The following WDR27 variants were observed in gnomAD, a reference collection of about 807,000 sequenced individuals.
WDR27 encodes the protein WD repeat domain 27, also known as WD repeat-containing protein 27.
WDR27 carries 100 observed loss-of-function variants against 114.4 expected under a neutral mutation model. That is an observed-to-expected ratio of 0.87 (90% confidence interval 0.74 to 1.03). The LOEUF is 1.03. Ranked by LOEUF, WDR27 falls within the 50% of genes least tolerant of loss-of-function variation. The pLI is 0.00. For synonymous variants in WDR27, 449 were observed against 423.1 expected (o/e 1.06, Z -0.75); for missense variants, 1,129 against 1,092.9 (o/e 1.03, Z -0.47).
At chr6:169,594,368 G>A (rs1806368504) in intron 23 of WDR27, among the ~76,000 whole-genome samples, 3 of 152,230 alleles carry the variant, frequency 2.0e-5, no homozygotes, top group South Asian at 4.1e-4. Flanking sequence ...TGTTTGATGT[G>A]CACTTGAAAA....
At chr6:169,618,627 CAAAA>C (rs560399990) in intron 21 of WDR27, among the ~76,000 whole-genome samples, 1,175 of 92,134 alleles carry the variant, frequency 0.013, 4 homozygotes, top group African/African-American at 0.022. Flanking sequence ...TGGATGACTG[CAAAA>C]AAAAAAAAAA....
chr6:169,566,738 T>C (rs1800569977), intron 25 of WDR27, among the ~76,000 whole-genome samples: 1 of 152,062 alleles, frequency 6.6e-6, no homozygotes, highest in African/African-American at 2.4e-5. Flanking sequence ...GTAGAAACGC[T>C]TTCTAAAAAG....
intron 21 of WDR27, among the ~76,000 whole-genome samples, chr6:169,615,346 T>G (rs920528174): frequency 1.3e-5 from 2 of 152,134 alleles, no homozygotes; most frequent in African/African-American, 4.8e-5. Context: ...CTGCTACCAA[T>G]AGCTGTGTTT....
intron 22 of WDR27, among the ~76,000 whole-genome samples, chr6:169,608,012 T>C (rs1809619522): frequency 6.6e-6 from 1 of 152,208 alleles, no homozygotes; most frequent in Non-Finnish European, 1.5e-5. Flanking sequence ...TGTAGCCTAT[T>C]GCTCCTAGGC....
chr6:169,520,437 C>G (rs1794226863), intron 25 of WDR27, among the ~76,000 whole-genome samples: 1 of 151,984 alleles, frequency 6.6e-6, no homozygotes, highest in African/African-American at 2.4e-5. Flanking sequence ...AAAATCAAAA[C>G]AAACCAGATA....
At chr6:169,634,400 C>T (rs1817172260) in intron 20 of WDR27, 28 bp downstream of exon 20, 1 of 1,560,178 alleles carries the variant, frequency 6.4e-7, no homozygotes. Flanking sequence ...GGGCGTAAAA[C>T]CCTACCAGGA....
chr6:169,668,121 G>A lies in WDR27; in HGVS notation c.521C>T (p.Pro174Leu), dbSNP rs777371731. 13 of 1,613,910 alleles carry A rather than the reference G, an allele frequency of 8.1e-6. No individual in the cohort carries two copies. Among genetic ancestry groups the A allele is most frequent in the African/African-American group, 1.3e-5 (1 of 74,934 alleles). Residue 174 changes from proline to leucine, a missense_variant, in exon 5 of 26, where the codon CCG becomes CTG. Transcript: ENST00000448612. ...DVNNRHKVPP[P>L]TFLHTFSQTQ... ...CTGAGAGAATGTGTGCAGGAAGGTCGGTGGTGGGACTTTGTGGCGGTTATT... is the reference window on the plus strand; with the variant it reads ...CTGAGAGAATGTGTGCAGGAAGGTCAGTGGTGGGACTTTGTGGCGGTTATT...
At chr6:169,632,191 A>G (rs1816590955) in intron 21 of WDR27, among the ~76,000 whole-genome samples, 1 of 133,694 alleles carries the variant, frequency 7.5e-6, no homozygotes, top group South Asian at 2.2e-4. Context: ...CTCTGTCTCA[A>G]AAAAAAAAAA....
intron 2 of WDR27, among the ~76,000 whole-genome samples, chr6:169,677,109 A>G (rs771816824): frequency 1.3e-5 from 2 of 152,262 alleles, no homozygotes; most frequent in Non-Finnish European, 2.9e-5. Flanking sequence ...CTGAGTAACC[A>G]GCAGAAGTTG....
At chr6:169,471,302 A>G (rs1786354714) in intron 25 of WDR27, among the ~76,000 whole-genome samples, 1 of 152,140 alleles carries the variant, frequency 6.6e-6, no homozygotes, top group Non-Finnish European at 1.5e-5. Flanking sequence ...GGTTGTTCAC[A>G]GCCAATCATC....
At chr6:169,483,690 AACACAAACAC>A (rs1164251361) in intron 25 of WDR27, among the ~76,000 whole-genome samples, 1 of 151,590 alleles carries the variant, frequency 6.6e-6, no homozygotes, top group Non-Finnish European at 1.5e-5. Flanking sequence ...AAACATGGCA[AACACAAACAC>A]ACACACACAG....
intron 21 of WDR27, among the ~76,000 whole-genome samples, chr6:169,619,796 T>C (rs1255688027): frequency 6.6e-6 from 1 of 152,158 alleles, no homozygotes; most frequent in Non-Finnish European, 1.5e-5. Context: ...GTTCAGATCT[T>C]TAAAAGGTGC....
At chr6:169,568,555 T>C (rs1375742662) in intron 25 of WDR27, among the ~76,000 whole-genome samples, 5 of 152,144 alleles carry the variant, frequency 3.3e-5, no homozygotes, top group African/African-American at 7.2e-5. Context: ...GAAGACCCAG[T>C]TGAAAACAAA....
intron 10 of WDR27, among the ~76,000 whole-genome samples, chr6:169,660,004 G>A (rs996418482): frequency 1.3e-5 from 2 of 151,918 alleles, no homozygotes; most frequent in Non-Finnish European, 2.9e-5. Flanking sequence ...AGGTCTGAGC[G>A]TTCAGGGCTA....
In WDR27 at chr6:169,602,219, G is replaced by GT; in HGVS notation, c.2423dup (p.His808GlnfsTer6). The GT allele has an allele frequency of 1.9e-6, 3 of 1,549,596 alleles. No individual in the cohort carries two copies. Among genetic ancestry groups the GT allele is most frequent in the Non-Finnish European group, 2.6e-6 (3 of 1,143,702 alleles). On this transcript the variant is annotated frameshift_variant and splice_region_variant, in exon 23 of 26. Transcript: ENST00000448612. LOFTEE classifies it high-confidence loss of function. Reference sequence around the variant, plus strand: ...TTATAGACAGTCAAACAGTACATACGTGTCTGTCCTCGGCCCCACAAGCCG... The same window carrying GT: ...TTATAGACAGTCAAACAGTACATACGTTGTCTGTCCTCGGCCCCACAAGCCG...
intron 25 of WDR27, among the ~76,000 whole-genome samples, chr6:169,485,928 C>T (rs983996783): frequency 1.3e-5 from 2 of 152,022 alleles, no homozygotes; most frequent in African/African-American, 2.4e-5. Flanking sequence ...AAATACTGCA[C>T]GTTTTCACAA....
chr6:169,629,971 A>C (rs981718539), intron 21 of WDR27, among the ~76,000 whole-genome samples: 3 of 151,880 alleles, frequency 2.0e-5, no homozygotes, highest in Non-Finnish European at 4.4e-5. Flanking sequence ...AACATGAAAG[A>C]AACTTCACGT....
chr6:169,460,624 C>T (rs753602445), intron 25 of WDR27, among the ~76,000 whole-genome samples: 4 of 152,098 alleles, frequency 2.6e-5, no homozygotes, highest in Non-Finnish European at 5.9e-5. Context: ...GGATTAAATT[C>T]TCCAATGAGA....
At chr6:169,645,667 C>T (rs969327846) in intron 16 of WDR27, among the ~76,000 whole-genome samples, 2 of 145,796 alleles carry the variant, frequency 1.4e-5, no homozygotes, top group Non-Finnish European at 3.1e-5. Flanking sequence ...TCATATGAGT[C>T]ACACTGTAGA....
Sources: gnomAD v4.1 joint callset for allele counts (sites outside exome capture counted in the v4.1 genomes callset) on GRCh38, gnomAD v4.1.1 for gene constraint, MANE v1.5 for transcripts, NCBI Gene and HGNC (gene_info 2026-07-23, HGNC 2026-07-21) for gene names.